PDK1: variants seen among roughly 807,000 people sequenced by gnomAD.
The protein encoded by PDK1 is pyruvate dehydrogenase kinase 1.
PDK1 carries 39 observed loss-of-function variants against 54.2 expected under a neutral mutation model. The ratio of observed to expected loss-of-function variants is 0.72; its 90% CI spans 0.56 to 0.94. The LOEUF (loss-of-function observed/expected upper bound fraction) is 0.94, where lower values mean the gene tolerates loss of function less well. PDK1 is among the 40% of genes least tolerant of loss of function. The pLI, the probability that PDK1 is intolerant of heterozygous loss-of-function variation, is 0.00. For missense variants in PDK1, 552 were observed against 566.0 expected (o/e 0.98, Z 0.25); for synonymous variants, 221 against 207.1 (o/e 1.07, Z -0.58).
chr2:172,701,663 T>G, the PDK1 span, among the ~76,000 whole-genome samples: 1 of 134,352 alleles, frequency 7.4e-6, no homozygotes, highest in Admixed American at 7.4e-5. Flanking sequence ...TTTTTTTTTT[T>G]GGAACATGAG....
chr2:172,625,249 G>A, the PDK1 span, among the ~76,000 whole-genome samples: 2 of 152,152 alleles, frequency 1.3e-5, no homozygotes, highest in Non-Finnish European at 1.5e-5. Flanking sequence ...TCACTAGTAT[G>A]TCTAAAATTC....
intron 7 of PDK1, 53 bp from the exon 8 acceptor site, chr2:172,570,673 A>C (rs1373175177): frequency 9.5e-7 from 1 of 1,056,462 alleles, no homozygotes. Context: ...TGAAAATTAC[A>C]CTTTCTCTTT....
At chr2:172,684,618 G>A in the PDK1 span, among the ~76,000 whole-genome samples, 1 of 152,012 alleles carries the variant, frequency 6.6e-6, no homozygotes, top group African/African-American at 2.4e-5. Context: ...TGGGATCAAG[G>A]GGCTGACTCT....
chr2:172,631,411 C>A, the PDK1 span, among the ~76,000 whole-genome samples: 7,228 of 152,322 alleles, frequency 0.047, 367 homozygotes, highest in African/African-American at 0.13. Context: ...ACAGAACCAA[C>A]CTTCTCTGCT....
rs539269056 is a variant in PDK1 at position 172,598,878 on chromosome 2, A to G, written c.*2909A>G. ...AATCCTCTTCCACCATCAAGGCTCA[A>G]CATTTTGTAAGCATCCAAAAAATTG... On this transcript the variant is annotated 3_prime_UTR_variant, in exon 11 of 11. Transcript: ENST00000282077. The G allele has an allele frequency of 1.3e-5, 2 of 152,330 alleles. No individual in the cohort carries two copies. Among genetic ancestry groups the G allele is most frequent in the East Asian group, 1.9e-4 (1 of 5,176 alleles). 9.4% of individuals were successfully genotyped at this position (152,330 alleles called of 1,614,324 possible). A position where few individuals can be genotyped will look rare whatever the true frequency, so the allele number is the denominator to read the frequency against.
chr2:172,615,886 C>G, the PDK1 span, among the ~76,000 whole-genome samples: 15 of 152,200 alleles, frequency 9.9e-5, no homozygotes, highest in Admixed American at 9.8e-4. Context: ...CTAAGTCTTA[C>G]TTTGCTACAT....
the PDK1 span, chr2:172,677,253 C>G: frequency 9.7e-4 from 148 of 152,300 alleles, no homozygotes; most frequent in African/African-American, 3.3e-3. Context: ...GTTTTTGCAG[C>G]AAGTAGCATT....
chr2:172,720,114 C>G, the PDK1 span, among the ~76,000 whole-genome samples: 1 of 81,754 alleles, frequency 1.2e-5, no homozygotes, highest in Non-Finnish European at 2.4e-5. Flanking sequence ...CTCTCTCTCT[C>G]TCTTTTTTTT....
At chr2:172,667,533 C>T in the PDK1 span, among the ~76,000 whole-genome samples, 1 of 152,114 alleles carries the variant, frequency 6.6e-6, no homozygotes, top group African/African-American at 2.4e-5. Flanking sequence ...ATTAGCTAAC[C>T]CTGGGAAGGA....
At chr2:172,711,202 G>C in the PDK1 span, among the ~76,000 whole-genome samples, 3 of 152,262 alleles carry the variant, frequency 2.0e-5, no homozygotes, top group Admixed American at 2.0e-4. Context: ...AGCATTAATA[G>C]TGACATAAAG....
intron 1 of PDK1, chr2:172,556,611 C>A: frequency 2.9e-6 from 1 of 341,508 alleles, no homozygotes. Context: ...CTCCCGCCTC[C>A]CGGCGCACGT....
At chr2:172,592,343 CTT>C (rs767136022) in intron 9 of PDK1, among the ~76,000 whole-genome samples, 29 of 152,286 alleles carry the variant, frequency 1.9e-4, no homozygotes, top group Non-Finnish European at 3.8e-4. Context: ...TCTGACTCCT[CTT>C]TGTCTCTTCC....
the PDK1 span, among the ~76,000 whole-genome samples, chr2:172,709,593 C>G: frequency 3.9e-5 from 6 of 152,186 alleles, no homozygotes; most frequent in Non-Finnish European, 7.3e-5. Flanking sequence ...CGAATGGTTA[C>G]ATTGTGTATC....
chr2:172,592,806 A>G (rs1026695072), intron 9 of PDK1, 129 bp from the exon 10 acceptor site: 5 of 461,618 alleles, frequency 1.1e-5, no homozygotes, highest in Non-Finnish European at 2.0e-5. Flanking sequence ...TATTAATTAT[A>G]TTAAATATAA....
In PDK1 at chr2:172,595,961, A is replaced by G. The variant is rs753359605; in HGVS notation, c.1303A>G (p.Ser435Gly). The G allele has an allele frequency of 2.0e-5, 33 of 1,610,318 alleles. No individual in the cohort carries two copies. Among genetic ancestry groups the G allele is most frequent in the Non-Finnish European group, 2.6e-5 (31 of 1,177,824 alleles). ...REPKDMTTFRSA is the reference protein window; with the variant it reads ...REPKDMTTFRGA ...ACCCAAAGACATGACGACGTTCCGC[A>G]GTGCCTAGACACACTTGGGACATCG... The change falls in exon 11 of 11, where the codon AGT (serine) becomes GGT (glycine). Residue 435 changes from serine (S) to glycine (G), a missense_variant. By Grantham distance (56) the Ser-to-Gly change is moderately conservative. Transcript: ENST00000282077.
the PDK1 span, among the ~76,000 whole-genome samples, chr2:172,705,301 C>A: frequency 6.6e-6 from 1 of 152,200 alleles, no homozygotes; most frequent in Non-Finnish European, 1.5e-5. Context: ...GTCCAACAGT[C>A]CCTTTCTTCC....
At chr2:172,651,523 G>A in the PDK1 span, among the ~76,000 whole-genome samples, 2 of 152,140 alleles carry the variant, frequency 1.3e-5, no homozygotes, top group African/African-American at 4.8e-5. Flanking sequence ...AAAAATCAAT[G>A]AATCCAGGAG....
chr2:172,664,089 A>G, the PDK1 span, among the ~76,000 whole-genome samples: 1 of 151,336 alleles, frequency 6.6e-6, no homozygotes, highest in Admixed American at 6.6e-5. Context: ...AGGAGGGCAG[A>G]TAATCTGAGG....
the PDK1 span, among the ~76,000 whole-genome samples, chr2:172,636,925 A>G: frequency 6.6e-6 from 1 of 152,302 alleles, no homozygotes; most frequent in African/African-American, 2.4e-5. Context: ...CAAAAAAAAT[A>G]AAAAAGCGCA....
Sources: gnomAD v4.1 joint callset for allele counts (sites outside exome capture counted in the v4.1 genomes callset) on GRCh38, gnomAD v4.1.1 for gene constraint, MANE v1.5 for transcripts, NCBI Gene and HGNC (gene_info 2026-07-23, HGNC 2026-07-21) for gene names.